Variants in CIT observed in about 807,000 individuals in gnomAD.
The protein encoded by CIT is citron Rho-interacting kinase.
A neutral mutation model predicts 272.7 loss-of-function variants in CIT; 79 were observed. That is an observed-to-expected ratio of 0.29 (90% CI 0.24 to 0.35). The LOEUF (loss-of-function observed/expected upper bound fraction) is 0.35, where lower values mean the gene tolerates loss of function less well. Among genes scored for constraint, CIT ranks in the 10% least tolerant of loss-of-function variants. The pLI, the probability that CIT is intolerant of heterozygous loss-of-function variation, is 1.00. For missense variants in CIT, 1,909 were observed against 2,618.3 expected (o/e 0.73, Z 5.91); for synonymous variants, 948 against 995.6 (o/e 0.95, Z 0.90).
intron 26 of CIT, among the ~76,000 whole-genome samples, chr12:119,733,529 CA>C (rs113216303): frequency 0.4 from 41,566 of 103,534 alleles, 5,956 homozygotes; most frequent in African/African-American, 0.5. Flanking sequence ...GACTCTGTCA[CA>C]AAAAAAAAAA....
intron 7 of CIT, 35 bp from the exon 8 acceptor site, chr12:119,825,403 T>C (rs200180959): frequency 1.3e-6 from 2 of 1,590,980 alleles, no homozygotes; most frequent in East Asian, 2.2e-5. Flanking sequence ...TACAGCAAAC[T>C]TTCAATTATC....
chr12:119,726,949 A>G (rs1273217070), intron 28 of CIT, among the ~76,000 whole-genome samples: 1 of 152,218 alleles, frequency 6.6e-6, no homozygotes, highest in African/African-American at 2.4e-5. Context: ...ATTTTTAACT[A>G]AATTACCCAA....
chr12:119,763,364 A>G (rs959994528), intron 19 of CIT, among the ~76,000 whole-genome samples: 1 of 152,258 alleles, frequency 6.6e-6, no homozygotes, highest in Non-Finnish European at 1.5e-5. Flanking sequence ...GGGACTACAG[A>G]TGTGTGCCAC....
chr12:119,742,648 A>G, intron 23 of CIT, 184 bp from the exon 24 acceptor site: 2 of 522,260 alleles, frequency 3.8e-6, no homozygotes, highest in South Asian at 2.9e-5. Context: ...AGGAATACAC[A>G]ATGCTGTGTT....
intron 10 of CIT, among the ~76,000 whole-genome samples, chr12:119,787,442 A>C (rs1964891993): frequency 1.3e-5 from 2 of 151,784 alleles, no homozygotes; most frequent in South Asian, 4.2e-4. Context: ...TAAAAAAAAA[A>C]ACAAATAGGC....
At position 119,770,974 on chromosome 12, in the gene CIT, C is replaced by T. The variant is rs929279249; in HGVS notation, c.2083-64G>A. 45 of 1,571,802 alleles carry T rather than the reference C, an allele frequency of 2.9e-5. No homozygotes were observed. The highest frequency in any genetic ancestry group is 3.5e-5 in the Non-Finnish European group (41 of 1,159,060). On this transcript the variant is annotated intron_variant, in intron 17 of 47. Coordinates refer to ENST00000392521, the MANE Select transcript of CIT (RefSeq NM_001206999.2). The surrounding 1 kb of genome is among the most constrained non-coding windows in gnomAD (Gnocchi z 4.4). Reference sequence around the variant, plus strand: ...AACCGCTATGGGCATAACACCTGCACCGAGGGAAAGAGCCCTCAAGAAGCA... The same window carrying T: ...AACCGCTATGGGCATAACACCTGCATCGAGGGAAAGAGCCCTCAAGAAGCA...
chr12:119,747,724 A>C (rs1959647574), intron 23 of CIT, among the ~76,000 whole-genome samples: 1 of 147,484 alleles, frequency 6.8e-6, no homozygotes, highest in Admixed American at 6.6e-5. Flanking sequence ...GTCTCAAAAA[A>C]ACAAACAAAC....
chr12:119,856,246 C>A (rs764351873), intron 4 of CIT, among the ~76,000 whole-genome samples: 1 of 152,082 alleles, frequency 6.6e-6, no homozygotes, highest in African/African-American at 2.4e-5. Flanking sequence ...AAGTAAACTG[C>A]AATTCAAAAA....
At chr12:119,689,663 GCT>G (rs1955805819) in intron 47 of CIT, among the ~76,000 whole-genome samples, 1 of 103,628 alleles carries the variant, frequency 9.6e-6, no homozygotes, top group African/African-American at 3.4e-5. Flanking sequence ...TGCTTAGGAA[GCT>G]CTTTTTTTTT....
intron 9 of CIT, among the ~76,000 whole-genome samples, chr12:119,813,595 G>A (rs1187284439): frequency 1.8e-4 from 28 of 152,228 alleles, no homozygotes; most frequent in Admixed American, 1.8e-3. Context: ...GTTGTGAAAG[G>A]TTTTCCCGCA....
rs1192460244 is a variant in CIT, at chr12:119,820,474, C to A, written c.1111+2346G>T. On this transcript the variant is annotated intron_variant, in intron 9 of 47. Transcript: ENST00000392521. ...CTGAGGCAGAAGAATCACTTGAACC[C>A]AGGAGGCGGAGGTTGCAGTGAGCCG... is the stretch of plus-strand genomic sequence containing the variant. Among the ~76,000 whole-genome samples, 5 of 152,174 alleles carry A rather than the reference C, an allele frequency of 3.3e-5. No homozygotes were observed. In the East Asian group the frequency reaches 9.7e-4, roughly 30 times the overall value.
intron 13 of CIT, 176 bp downstream of exon 13, chr12:119,782,342 T>G: frequency 1.7e-6 from 1 of 599,390 alleles, no homozygotes; most frequent in South Asian, 2.3e-5. Context: ...ATGATGTATA[T>G]AAATTATGAG....
chr12:119,854,672 C>T (rs999791312), intron 4 of CIT, among the ~76,000 whole-genome samples: 3 of 150,376 alleles, frequency 2.0e-5, no homozygotes, highest in East Asian at 2.0e-4. Flanking sequence ...TAAAGTGGGC[C>T]GGGCACGGTG....
At chr12:119,767,773 G>C (rs1217746603) in intron 18 of CIT, among the ~76,000 whole-genome samples, 1 of 151,682 alleles carries the variant, frequency 6.6e-6, no homozygotes. Context: ...ATGCAAATGG[G>C]GACAAAGACA....
chr12:119,702,484 G>C (rs1276046976), intron 41 of CIT, among the ~76,000 whole-genome samples: 1 of 152,018 alleles, frequency 6.6e-6, no homozygotes, highest in African/African-American at 2.4e-5. Context: ...TCAGGAGTTC[G>C]AGACCAGTGT....
chr12:119,737,402 T>C (rs987880301), intron 24 of CIT, among the ~76,000 whole-genome samples: 4 of 146,896 alleles, frequency 2.7e-5, no homozygotes, highest in African/African-American at 1.0e-4. Context: ...AAATACATCA[T>C]TGCCAAAATA....
chr12:119,813,119 C>G (rs1474161751), intron 9 of CIT, among the ~76,000 whole-genome samples: 3 of 152,202 alleles, frequency 2.0e-5, no homozygotes, highest in South Asian at 4.1e-4. Flanking sequence ...TTTACCAGAG[C>G]CCTGCATCAG....
intron 9 of CIT, among the ~76,000 whole-genome samples, chr12:119,807,515 T>C (rs1966680579): frequency 6.6e-6 from 1 of 152,196 alleles, no homozygotes; most frequent in South Asian, 2.1e-4. Context: ...TGAAATCATA[T>C]TGATCTTGAG....
In CIT at chr12:119,752,728, C is replaced by G. The variant is rs78253214; in HGVS notation, c.2707-481G>C. Among the ~76,000 whole-genome samples the G allele has an allele frequency of 1.7e-3, 252 of 152,328 alleles. 1 individual carries two copies. Among genetic ancestry groups the G allele is most frequent in the African/African-American group, 5.6e-3 (233 of 41,574 alleles). ...CATTAGGTAATCTGCTTTAATGTCACATTAGAAGTTAATCATTCTTCCCTC... is the reference window on the plus strand; with the variant it reads ...CATTAGGTAATCTGCTTTAATGTCAGATTAGAAGTTAATCATTCTTCCCTC... On this transcript the variant is annotated intron_variant, in intron 22 of 47. Transcript: ENST00000392521.
Sources: allele counts gnomAD v4.1 joint callset (sites outside exome capture counted in the v4.1 genomes callset), GRCh38; gene constraint gnomAD v4.1.1; non-coding constraint Gnocchi (gnomAD v3.1); transcripts MANE v1.5; gene names NCBI Gene and HGNC (gene_info 2026-07-23, HGNC 2026-07-21).